The following KIAA1217 variants were observed in gnomAD, a reference collection of about 807,000 sequenced individuals.
The protein encoded by KIAA1217 is KIAA1217, also known as sickle tail protein homolog.
A neutral mutation model predicts 163.9 loss-of-function variants in KIAA1217; 88 were observed. The observed-to-expected ratio is 0.54, with a 90% CI of 0.45 to 0.64. The LOEUF is 0.64. Among genes scored for constraint, KIAA1217 ranks in the 30% least tolerant of loss-of-function variants. The probability of loss-of-function intolerance (pLI) is 0.00; values close to 1 mark genes in which losing one functional copy is unlikely to be tolerated. For synonymous variants in KIAA1217, 903 were observed against 923.1 expected, an observed-to-expected ratio of 0.98 and a Z score of 0.39; for missense variants, 2,372 against 2,475.0, an observed-to-expected ratio of 0.96 and a Z score of 0.88.
chr10:23,714,571 G>C (rs1837457348), intron 1 of KIAA1217, among the ~76,000 whole-genome samples: 1 of 152,020 alleles, frequency 6.6e-6, no homozygotes, highest in East Asian at 1.9e-4. Context: ...CTGGTCCACT[G>C]GCCTGAAATA....
chr10:24,038,104 G>T (rs569881774), intron 2 of KIAA1217, among the ~76,000 whole-genome samples: 5 of 152,136 alleles, frequency 3.3e-5, no homozygotes, highest in Admixed American at 6.6e-5. Context: ...GCATGACCAA[G>T]CAAATGTTTC....
At chr10:23,835,325 T>A (rs1838392512) in intron 1 of KIAA1217, among the ~76,000 whole-genome samples, 1 of 152,128 alleles carries the variant, frequency 6.6e-6, no homozygotes, top group Admixed American at 6.6e-5. Flanking sequence ...GGCTGAAATG[T>A]AAAGTGAAAC....
chr10:24,260,651 G>A (rs954071369), intron 2 of KIAA1217, among the ~76,000 whole-genome samples: 6 of 150,942 alleles, frequency 4.0e-5, no homozygotes, highest in Non-Finnish European at 1.5e-5. Flanking sequence ...AAGCTGAGGC[G>A]GGAGGATCAC....
At chr10:24,322,168 G>C (rs928201804) in intron 2 of KIAA1217, among the ~76,000 whole-genome samples, 1 of 152,040 alleles carries the variant, frequency 6.6e-6, no homozygotes, top group Non-Finnish European at 1.5e-5. Context: ...TGGCCAGGCT[G>C]GTCTTGAATT....
intron 2 of KIAA1217, among the ~76,000 whole-genome samples, chr10:24,245,319 G>T (rs1488704936): frequency 6.6e-6 from 1 of 152,082 alleles, no homozygotes; most frequent in East Asian, 1.9e-4. Context: ...TGTGGTCTCC[G>T]CCCTGGCTGG....
At chr10:23,843,547 G>A (rs144372111) in intron 1 of KIAA1217, among the ~76,000 whole-genome samples, 1 of 152,176 alleles carries the variant, frequency 6.6e-6, no homozygotes, top group African/African-American at 2.4e-5. Context: ...ATTTGACGAG[G>A]ACCTGTTCCA....
At chr10:24,187,376 T>C (rs887985098) in intron 2 of KIAA1217, among the ~76,000 whole-genome samples, 1 of 152,214 alleles carries the variant, frequency 6.6e-6, no homozygotes, top group Non-Finnish European at 1.5e-5. Context: ...CTTTCTCAGT[T>C]CAGAGGGTCC....
chr10:24,255,585 G>A (rs1462213476), intron 2 of KIAA1217: 5 of 455,418 alleles, frequency 1.1e-5, no homozygotes, highest in South Asian at 7.8e-5. Context: ...CCGAGCAGCA[G>A]ACAGGAGCAA....
rs760578889 is a variant in KIAA1217, at chr10:24,546,153, AC to A, written c.5666del (p.Pro1889LeufsTer18). On this transcript the variant is annotated frameshift_variant, in exon 21 of 21. Coordinates refer to ENST00000376454, the MANE Select transcript of KIAA1217 (RefSeq NM_019590.5). LOFTEE classifies it high-confidence loss of function. ...CACCGCAGAGTCAAAATGGCCGAGC[AC>A]CCCCTCCTTTGTCATTTTCCTCCTC... ...FSPQSQNGRA[P>X]PPLSFSSSPP... 32 of 1,613,472 alleles carry A rather than the reference AC, an allele frequency of 2.0e-5. 1 individual carries two copies.
At position 24,546,260 on chromosome 10, in the gene KIAA1217, G is replaced by A. The variant is rs1256780998; in HGVS notation, c.5768G>A (p.Ser1923Asn). The A allele has an allele frequency of 6.2e-6, 10 of 1,613,970 alleles. No homozygotes were observed. The highest frequency in any genetic ancestry group is 8.5e-6 in the Non-Finnish European group (10 of 1,180,018). Residue 1923 changes from serine to asparagine, a missense_variant, in exon 21 of 21, where the codon AGC (serine) becomes AAC (asparagine). Around this residue, in one of 3 missense-constraint regions of KIAA1217, gnomAD observed 690 missense variants for 677.5 expected, o/e 1.02. Coordinates refer to ENST00000376454, the MANE Select transcript of KIAA1217 (RefSeq NM_019590.5). ...TRTIHTPSLTSYKAQNGSSSK... is the reference protein window; with the variant it reads ...TRTIHTPSLTNYKAQNGSSSK... ...ACCATCCATACTCCCAGCCTCACCA[G>A]CTACAAGGCACAGAATGGAAGTTCA...
At chr10:24,534,726 C>A (rs963047242) in intron 16 of KIAA1217, among the ~76,000 whole-genome samples, 2 of 151,644 alleles carry the variant, frequency 1.3e-5, no homozygotes, top group South Asian at 4.2e-4. Context: ...CTAAAAACTA[C>A]AAAAATTAGC....
At chr10:24,507,483 T>G (rs1305716425) in intron 9 of KIAA1217, among the ~76,000 whole-genome samples, 1 of 152,124 alleles carries the variant, frequency 6.6e-6, no homozygotes, top group Non-Finnish European at 1.5e-5. Flanking sequence ...AATATCCAAG[T>G]GGAGCTTTCA....
intron 2 of KIAA1217, among the ~76,000 whole-genome samples, chr10:24,063,449 T>C (rs977882192): frequency 2.0e-5 from 3 of 152,198 alleles, no homozygotes; most frequent in African/African-American, 7.2e-5. Context: ...CAGATAGTTG[T>C]AGATGTGTGG....
At chr10:24,438,566 T>C in intron 5 of KIAA1217, 87 bp downstream of exon 5, 1 of 871,102 alleles carries the variant, frequency 1.1e-6, no homozygotes, top group Non-Finnish European at 1.9e-6. Context: ...ATCAGAACTC[T>C]ACAACTGAGT....
intron 2 of KIAA1217, among the ~76,000 whole-genome samples, chr10:24,050,162 T>C (rs925031234): frequency 1.3e-4 from 20 of 152,342 alleles, no homozygotes; most frequent in African/African-American, 4.8e-4. Flanking sequence ...TGTTTGTTTT[T>C]TCTTGCAAAT....
At chr10:24,460,862 G>A (rs1041154122) in intron 5 of KIAA1217, among the ~76,000 whole-genome samples, 5 of 152,154 alleles carry the variant, frequency 3.3e-5, no homozygotes, top group African/African-American at 1.2e-4. Flanking sequence ...AATCAAAGAA[G>A]GAGGAACAGT....
chr10:24,410,100 G>A (rs534892137), intron 3 of KIAA1217, among the ~76,000 whole-genome samples: 1 of 149,082 alleles, frequency 6.7e-6, no homozygotes, highest in Non-Finnish European at 1.5e-5. Context: ...GGGTTCAAGC[G>A]ATTCTCCTGC....
intron 9 of KIAA1217, among the ~76,000 whole-genome samples, chr10:24,507,321 T>C (rs1370667928): frequency 6.6e-6 from 1 of 152,072 alleles, no homozygotes; most frequent in Non-Finnish European, 1.5e-5. Flanking sequence ...ATGTGACCTA[T>C]AACATTAAGA....
At chr10:24,195,485 G>A (rs1379049088) in intron 2 of KIAA1217, among the ~76,000 whole-genome samples, 2 of 152,142 alleles carry the variant, frequency 1.3e-5, no homozygotes, top group African/African-American at 2.4e-5. Flanking sequence ...GCCCTGTCTC[G>A]AAGGTTCTTT....
Sources: gnomAD v4.1 joint callset for allele counts (sites outside exome capture counted in the v4.1 genomes callset) on GRCh38, gnomAD v4.1.1 for gene constraint, gnomAD v4.1.1 regional missense constraint, MANE v1.5 for transcripts, NCBI Gene and HGNC (gene_info 2026-07-23, HGNC 2026-07-21) for gene names.